CLIC5: variants seen among roughly 807,000 people sequenced by gnomAD.
CLIC5 encodes the protein chloride intracellular channel protein 5.
In CLIC5, 20 loss-of-function variants were observed where a neutral mutation model predicts 24.7. The observed-to-expected ratio is 0.81, with a 90% CI of 0.57 to 1.18. The LOEUF is 1.18. CLIC5 is among the 50% of genes most tolerant of loss of function. The pLI is 0.00. For synonymous variants in CLIC5, 159 were observed against 135.6 expected, an observed-to-expected ratio of 1.17 and a Z score of -1.20; for missense variants, 341 against 326.1, an observed-to-expected ratio of 1.05 and a Z score of -0.35.
intron 6 of CLIC5, among the ~76,000 whole-genome samples, chr6:45,884,357 A>G (rs9381406): frequency 0.4 from 60,322 of 152,052 alleles, 12,337 homozygotes; most frequent in East Asian, 0.68. Flanking sequence ...GGGAGAGGAG[A>G]AACCAGATGC....
exon 1 of CLIC5, chr6:46,079,861 C>T (rs1488754576): frequency 4.5e-6 from 7 of 1,552,070 alleles, no homozygotes; most frequent in African/African-American, 1.4e-5. Flanking sequence ...ATCACACTCC[C>T]ATTCTCCTGG....
At chr6:45,981,255 C>T (rs945006641) in intron 1 of CLIC5, among the ~76,000 whole-genome samples, 1 of 151,950 alleles carries the variant, frequency 6.6e-6, no homozygotes, top group Admixed American at 6.6e-5. Context: ...AGGCATGAGC[C>T]ACCGCACCTG....
the CLIC5 span, among the ~76,000 whole-genome samples, chr6:46,087,817 C>A: frequency 2.6e-5 from 4 of 152,156 alleles, no homozygotes; most frequent in African/African-American, 4.8e-5. Context: ...CAGGGTGTTG[C>A]AGATAAAGAC....
At chr6:45,924,776 T>TAC (rs1453515274) in intron 4 of CLIC5, among the ~76,000 whole-genome samples, 2 of 152,062 alleles carry the variant, frequency 1.3e-5, no homozygotes, top group African/African-American at 2.4e-5. Flanking sequence ...TATATATATA[T>TAC]ATTTTCAGGG....
chr6:46,122,636 C>A, the CLIC5 span, among the ~76,000 whole-genome samples: 1 of 152,056 alleles, frequency 6.6e-6, no homozygotes, highest in Non-Finnish European at 1.5e-5. Flanking sequence ...ATCAATGAAT[C>A]CGGGATCTGG....
intron 1 of CLIC5, among the ~76,000 whole-genome samples, chr6:46,047,767 C>G (rs1767991810): frequency 6.6e-6 from 1 of 152,130 alleles, no homozygotes; most frequent in African/African-American, 2.4e-5. Context: ...TGTTACCTGT[C>G]TTCTCTCCCA....
intron 4 of CLIC5, among the ~76,000 whole-genome samples, chr6:45,930,303 T>C (rs1365562571): frequency 6.6e-6 from 1 of 152,026 alleles, no homozygotes; most frequent in Non-Finnish European, 1.5e-5. Context: ...AGTTCGTAAA[T>C]GTAAAGACTC....
chr6:46,072,930 C>T (rs185867843), intron 1 of CLIC5, among the ~76,000 whole-genome samples: 9 of 152,164 alleles, frequency 5.9e-5, no homozygotes, highest in Admixed American at 5.2e-4. Flanking sequence ...CCTTCTGAAG[C>T]ATATTCATGA....
intron 1 of CLIC5, among the ~76,000 whole-genome samples, chr6:45,974,522 T>TATAG (rs1339415709): frequency 1.2e-3 from 78 of 66,004 alleles, no homozygotes; most frequent in Non-Finnish European, 1.5e-3. Flanking sequence ...TATATATATA[T>TATAG]AGAGAGAGAG....
At chr6:46,019,692 C>CAAAA (rs60367562), upstream of CLIC5, among the ~76,000 whole-genome samples, 28 of 62,472 alleles carry the variant, frequency 4.5e-4, no homozygotes, top group South Asian at 1.1e-3. Context: ...GACTCCGTCT[C>CAAAA]AAAAAAAAAA....
At chr6:46,095,892 T>G in the CLIC5 span, among the ~76,000 whole-genome samples, 1 of 138,090 alleles carries the variant, frequency 7.2e-6, no homozygotes, top group Non-Finnish European at 1.6e-5. Context: ...TTTTCAGATA[T>G]CTTTATCCCA....
At chr6:45,977,386 A>G (rs927754980) in intron 1 of CLIC5, among the ~76,000 whole-genome samples, 1 of 152,148 alleles carries the variant, frequency 6.6e-6, no homozygotes, top group African/African-American at 2.4e-5. Flanking sequence ...ATGATCTTTT[A>G]GTTGCTATTT....
In CLIC5 at chr6:45,899,788, G is replaced by A. The variant is rs1381675511; in HGVS notation, c.*3300C>T. ...TGTGGCCTTTTTCTGATAAGATCAA[G>A]ACTTCACTGGCCCCACCAGCACAAG... On this transcript the variant is annotated 3_prime_UTR_variant, in exon 6 of 6. Transcript: ENST00000339561. 6 of 152,190 alleles carry A rather than the reference G, an allele frequency of 3.9e-5. No individual in the cohort carries two copies. Among genetic ancestry groups the A allele is most frequent in the African/African-American group, 1.4e-4 (6 of 41,448 alleles). The allele number at this position is 152,190 out of a possible 1,614,324, so 9.4% of individuals were successfully genotyped here.
chr6:45,982,994 T>A (rs1300737889), intron 1 of CLIC5, among the ~76,000 whole-genome samples: 1 of 152,138 alleles, frequency 6.6e-6, no homozygotes, highest in Non-Finnish European at 1.5e-5. Flanking sequence ...ATAAGGTGAA[T>A]TACTAAGGCT....
At chr6:45,905,360 C>T (rs1762628922) in intron 5 of CLIC5, among the ~76,000 whole-genome samples, 1 of 152,150 alleles carries the variant, frequency 6.6e-6, no homozygotes, top group Non-Finnish European at 1.5e-5. Context: ...CCCTTTTCTC[C>T]ACAGACTAAC....
chr6:46,010,509 G>C (rs1766767678), intron 1 of CLIC5, among the ~76,000 whole-genome samples: 1 of 152,182 alleles, frequency 6.6e-6, no homozygotes, highest in African/African-American at 2.4e-5. Context: ...GCCAGCAGCT[G>C]ACAACTCAAA....
At chr6:46,108,981 A>C in the CLIC5 span, among the ~76,000 whole-genome samples, 1 of 152,168 alleles carries the variant, frequency 6.6e-6, no homozygotes, top group East Asian at 1.9e-4. Context: ...TCAAATAAGA[A>C]ATGGTGTTTA....
At chr6:45,946,595 G>A (rs1038378762) in intron 3 of CLIC5, among the ~76,000 whole-genome samples, 3 of 152,200 alleles carry the variant, frequency 2.0e-5, no homozygotes, top group African/African-American at 7.2e-5. Context: ...GAACCAGAAG[G>A]CCAGGCTGTC....
the CLIC5 span, among the ~76,000 whole-genome samples, chr6:46,119,806 G>A: frequency 6.6e-6 from 1 of 152,196 alleles, no homozygotes; most frequent in Non-Finnish European, 1.5e-5. Context: ...TGGCTTGGAG[G>A]GTCCCACGCC....
Sources: allele counts gnomAD v4.1 joint callset (sites outside exome capture counted in the v4.1 genomes callset), GRCh38; gene constraint gnomAD v4.1.1; transcripts MANE v1.5; gene names NCBI Gene and HGNC (gene_info 2026-07-23, HGNC 2026-07-21).